ARHGAP24: variants seen among roughly 807,000 people sequenced by gnomAD.
ARHGAP24 encodes the protein Rho GTPase activating protein 24.
ARHGAP24 carries 50 observed loss-of-function variants against 76.4 expected under a neutral mutation model. That is an observed-to-expected ratio of 0.65 (90% CI 0.52 to 0.83). ARHGAP24 has a LOEUF of 0.83. ARHGAP24 is among the 40% of genes least tolerant of loss of function. The probability of loss-of-function intolerance (pLI) is 0.00; values close to 1 mark genes in which losing one functional copy is unlikely to be tolerated. For synonymous variants in ARHGAP24, 345 were observed against 323.3 expected (o/e 1.07, Z -0.72); for missense variants, 930 against 914.2 (o/e 1.02, Z -0.22).
intron 1 of ARHGAP24, among the ~76,000 whole-genome samples, chr4:85,529,791 C>T (rs2062080): frequency 0.26 from 39,564 of 151,810 alleles, 6,738 homozygotes; most frequent in East Asian, 0.79. Flanking sequence ...ATGTCATTCT[C>T]CTGAGTTGTG....
chr4:85,663,337 A>G (rs1722480958), intron 2 of ARHGAP24, among the ~76,000 whole-genome samples: 1 of 129,302 alleles, frequency 7.7e-6, no homozygotes, highest in East Asian at 1.9e-4. Flanking sequence ...ATTGGTGTAT[A>G]AGAATGCTTG....
chr4:85,598,576 T>A (rs1392055263), intron 2 of ARHGAP24, among the ~76,000 whole-genome samples: 3 of 152,028 alleles, frequency 2.0e-5, no homozygotes, highest in Non-Finnish European at 4.4e-5. Context: ...AAATTATTAT[T>A]TGAAAATAAT....
chr4:85,991,005 T>C (rs1439204521), intron 8 of ARHGAP24: 1 of 151,970 alleles, frequency 6.6e-6, no homozygotes, highest in Non-Finnish European at 1.5e-5. Context: ...AATCACTATC[T>C]GATAAATAAC....
intron 2 of ARHGAP24, among the ~76,000 whole-genome samples, chr4:85,621,233 T>C (rs1269833767): frequency 6.6e-6 from 1 of 152,052 alleles, no homozygotes; most frequent in Non-Finnish European, 1.5e-5. Flanking sequence ...ATAAACATAC[T>C]AGTACAAGTG....
chr4:85,887,149 A>T (rs1733609278), intron 3 of ARHGAP24, among the ~76,000 whole-genome samples: 1 of 152,172 alleles, frequency 6.6e-6, no homozygotes, highest in Non-Finnish European at 1.5e-5. Flanking sequence ...AAGACAAAAG[A>T]GTAAAAACTG....
chr4:85,487,996 C>G (rs1027357604), intron 1 of ARHGAP24, among the ~76,000 whole-genome samples: 8 of 148,126 alleles, frequency 5.4e-5, no homozygotes, highest in African/African-American at 2.0e-4. Context: ...AGCTCTGCCC[C>G]CTGGGTTCAC....
intron 2 of ARHGAP24, among the ~76,000 whole-genome samples, chr4:85,587,460 T>C (rs77099713): frequency 0.023 from 3,535 of 152,300 alleles, 151 homozygotes; most frequent in African/African-American, 0.081. Flanking sequence ...CACATGAATG[T>C]TGATTTTAAC....
chr4:85,772,653 G>C (rs1291087412), intron 3 of ARHGAP24, among the ~76,000 whole-genome samples: 1 of 152,170 alleles, frequency 6.6e-6, no homozygotes, highest in Non-Finnish European at 1.5e-5. Flanking sequence ...AAGATAATTA[G>C]ATTATCAAGA....
chr4:85,613,668 C>G (rs1199685587), intron 2 of ARHGAP24, among the ~76,000 whole-genome samples: 1 of 152,156 alleles, frequency 6.6e-6, no homozygotes, highest in Non-Finnish European at 1.5e-5. Context: ...GAAACCTATT[C>G]ACATTTTTAA....
At chr4:85,589,881 A>G (rs558265184) in intron 2 of ARHGAP24, among the ~76,000 whole-genome samples, 2 of 152,248 alleles carry the variant, frequency 1.3e-5, no homozygotes, top group Non-Finnish European at 2.9e-5. Context: ...TCTTAATTAT[A>G]AGTCTGGAAG....
intron 1 of ARHGAP24, among the ~76,000 whole-genome samples, chr4:85,564,928 A>G (rs1726768278): frequency 9.8e-5 from 4 of 40,796 alleles, no homozygotes; most frequent in Admixed American, 2.0e-4. Context: ...CACACGGTAT[A>G]TATATATATA....
At chr4:85,942,923 A>C (rs1294210302) in intron 5 of ARHGAP24, among the ~76,000 whole-genome samples, 1 of 152,114 alleles carries the variant, frequency 6.6e-6, no homozygotes, top group African/African-American at 2.4e-5. Context: ...AATATTATCA[A>C]CATTATATAC....
intron 1 of ARHGAP24, among the ~76,000 whole-genome samples, chr4:85,516,340 T>C (rs1284012856): frequency 6.6e-6 from 1 of 152,234 alleles, no homozygotes; most frequent in Non-Finnish European, 1.5e-5. Context: ...ATTTCTTAAA[T>C]ATATGTCTAA....
At chr4:85,604,165 G>A (rs1429553434) in intron 2 of ARHGAP24, 1 of 152,106 alleles carries the variant, frequency 6.6e-6, no homozygotes, top group Non-Finnish European at 1.5e-5. Context: ...AACTCATTAG[G>A]CTTGAATGAG....
At chr4:85,857,007 A>G (rs573141605) in intron 3 of ARHGAP24, among the ~76,000 whole-genome samples, 1 of 152,130 alleles carries the variant, frequency 6.6e-6, no homozygotes, top group South Asian at 2.1e-4. Context: ...TTATTTCCTC[A>G]TTGATGGATA....
intron 3 of ARHGAP24, among the ~76,000 whole-genome samples, chr4:85,737,149 G>C (rs1310287938): frequency 6.6e-6 from 1 of 151,876 alleles, no homozygotes; most frequent in Non-Finnish European, 1.5e-5. Context: ...TTTGTTTTTT[G>C]CATGATGGTA....
chr4:85,651,836 A>G (rs1361789194), intron 2 of ARHGAP24, among the ~76,000 whole-genome samples: 1 of 152,092 alleles, frequency 6.6e-6, no homozygotes, highest in Non-Finnish European at 1.5e-5. Context: ...TTAATGAAAA[A>G]GTATCATTTT....
chr4:85,656,001 A>G lies in ARHGAP24; in HGVS notation c.181-65884A>G, dbSNP rs973337470. 2.6e-5 allele frequency among the ~76,000 whole-genome samples: 4 copies of G among 152,050 alleles called. No individual in the cohort carries two copies. The South Asian group carries it at 8.3e-4, about 31-fold the overall frequency. ...TTGGGTTGCTTCCAGTAGAATTAAT[A>G]TGCTATTTCCTTAACTGGCAAATAA... On this transcript the variant is annotated intron_variant, in intron 2 of 9. Transcript: ENST00000395184.
chr4:85,598,359 A>G (rs980249009), intron 2 of ARHGAP24, among the ~76,000 whole-genome samples: 17 of 152,214 alleles, frequency 1.1e-4, no homozygotes, highest in African/African-American at 4.1e-4. Context: ...TAGATATACC[A>G]GATTTAGGGT....
Sources: allele counts gnomAD v4.1 joint callset (sites outside exome capture counted in the v4.1 genomes callset), GRCh38; gene constraint gnomAD v4.1.1; transcripts MANE v1.5; gene names NCBI Gene and HGNC (gene_info 2026-07-23, HGNC 2026-07-21).